The following HMGA2 variants were observed in gnomAD, a reference collection of about 807,000 sequenced individuals.
HMGA2 encodes high mobility group AT-hook 2.
In HMGA2, 8 loss-of-function variants were observed where a neutral mutation model predicts 19.1. That is an observed-to-expected ratio of 0.42 (90% CI 0.25 to 0.76). The LOEUF (loss-of-function observed/expected upper bound fraction) is 0.76, where lower values mean the gene tolerates loss of function less well. HMGA2 is among the 30% of genes least tolerant of loss of function. HMGA2 has a pLI of 0.28. For missense variants in HMGA2, 109 were observed against 136.3 expected (o/e 0.80, Z 1.00); for synonymous variants, 60 against 48.8 (o/e 1.23, Z -0.96).
intron 3 of HMGA2, among the ~76,000 whole-genome samples, chr12:65,948,239 C>T (rs953540210): frequency 7.2e-5 from 11 of 152,160 alleles, no homozygotes; most frequent in African/African-American, 2.4e-4. Flanking sequence ...AAATATTACT[C>T]ATTTATTAAG....
intron 4 of HMGA2, among the ~76,000 whole-genome samples, 190 bp from the exon 5 acceptor site, chr12:65,963,055 A>G (rs1420879982): frequency 6.6e-6 from 1 of 152,112 alleles, no homozygotes; most frequent in Non-Finnish European, 1.5e-5. Context: ...CCGCTCTGGG[A>G]AAAAACAACA....
chr12:65,911,818 T>C lies in HMGA2; in HGVS notation c.250-39565T>C, dbSNP rs570881676. On this transcript the variant is annotated intron_variant, in intron 3 of 4. Coordinates refer to ENST00000403681, the MANE Select transcript of HMGA2 (RefSeq NM_003483.6). Reference sequence around the variant, plus strand: ...GTGTAGAAATAAGAACTTACCATGGTAAATGATCAGTATTGTTGAATCTCC... The same window carrying C: ...GTGTAGAAATAAGAACTTACCATGGCAAATGATCAGTATTGTTGAATCTCC... Among the ~76,000 whole-genome samples, 3 of 152,272 alleles carry C rather than the reference T, an allele frequency of 2.0e-5. No individual in the cohort carries two copies. The South Asian group carries it at 6.2e-4, about 32-fold the overall frequency.
At chr12:65,929,403 G>GA (rs1875628325) in intron 3 of HMGA2, among the ~76,000 whole-genome samples, 1 of 150,384 alleles carries the variant, frequency 6.6e-6, no homozygotes, top group Non-Finnish European at 1.5e-5. Flanking sequence ...TTAAAAAATT[G>GA]AAAAAAAAGT....
At chr12:65,863,737 A>T (rs1438821700) in intron 3 of HMGA2, among the ~76,000 whole-genome samples, 1 of 152,212 alleles carries the variant, frequency 6.6e-6, no homozygotes, top group Non-Finnish European at 1.5e-5. Context: ...CTCACTGACT[A>T]GGGAATGTTG....
chr12:65,923,535 A>G (rs371847860), intron 3 of HMGA2, among the ~76,000 whole-genome samples: 35 of 152,322 alleles, frequency 2.3e-4, no homozygotes, highest in African/African-American at 8.2e-4. Flanking sequence ...GACCAGTCCA[A>G]CAAAATATAT....
At chr12:65,905,603 C>T (rs1874558282) in intron 3 of HMGA2, among the ~76,000 whole-genome samples, 1 of 152,228 alleles carries the variant, frequency 6.6e-6, no homozygotes, top group African/African-American at 2.4e-5. Flanking sequence ...AACTCCACTT[C>T]TTCTGAGAAT....
At chr12:65,876,658 C>T (rs1873050882) in intron 3 of HMGA2, among the ~76,000 whole-genome samples, 1 of 152,178 alleles carries the variant, frequency 6.6e-6, no homozygotes, top group African/African-American at 2.4e-5. Context: ...ATCATTTCAC[C>T]ACTTAAGCCC....
At chr12:65,853,083 C>CT (rs1871555635) in intron 3 of HMGA2, among the ~76,000 whole-genome samples, 1 of 152,088 alleles carries the variant, frequency 6.6e-6, no homozygotes, top group African/African-American at 2.4e-5. Flanking sequence ...GTGGTACAGT[C>CT]TGAGGGGGAA....
At chr12:65,866,090 G>A (rs1016077966) in intron 3 of HMGA2, among the ~76,000 whole-genome samples, 8 of 152,128 alleles carry the variant, frequency 5.3e-5, no homozygotes, top group African/African-American at 1.9e-4. Flanking sequence ...TTAGAGAGAA[G>A]ATTTACAAAC....
chr12:65,918,721 T>C (rs1186467621), intron 3 of HMGA2, among the ~76,000 whole-genome samples: 3 of 152,146 alleles, frequency 2.0e-5, no homozygotes, highest in Admixed American at 1.3e-4. Context: ...AGTCTGAAAA[T>C]AGTCTTATGG....
In HMGA2 at chr12:65,964,509, C is replaced by CT. The variant is rs1876851929; in HGVS notation, c.*1221dup. The CT allele has an allele frequency of 9.1e-6, 2 of 218,964 alleles. No homozygotes were observed. The highest frequency in any genetic ancestry group is 1.8e-5 in the Non-Finnish European group (2 of 108,780). 13.6% of individuals were successfully genotyped at this position (218,964 alleles called of 1,614,324 possible). Reference sequence around the variant, plus strand: ...TCACCATCTCTTCATTCAAACTGCACTTTTAGCCAGAGATGCAATATATCC... The same window carrying CT: ...TCACCATCTCTTCATTCAAACTGCACTTTTTAGCCAGAGATGCAATATATCC... On this transcript the variant is annotated 3_prime_UTR_variant, in exon 5 of 5. Coordinates refer to ENST00000403681, the MANE Select transcript of HMGA2 (RefSeq NM_003483.6).
intron 3 of HMGA2, chr12:65,857,952 A>G (rs1212883610): frequency 2.0e-5 from 3 of 152,806 alleles, no homozygotes; most frequent in Non-Finnish European, 4.4e-5. Context: ...GGCTTGCAAA[A>G]TGGCCTCAAA....
At chr12:65,864,501 C>G (rs1007714132) in intron 3 of HMGA2, among the ~76,000 whole-genome samples, 1 of 152,144 alleles carries the variant, frequency 6.6e-6, no homozygotes, top group African/African-American at 2.4e-5. Context: ...CCACTGTTGA[C>G]TATTTTGTAG....
chr12:65,865,266 A>G (rs1380346879), intron 3 of HMGA2, among the ~76,000 whole-genome samples: 4 of 152,184 alleles, frequency 2.6e-5, no homozygotes, highest in African/African-American at 9.7e-5. Context: ...TGTGGAGTCA[A>G]AAGTTTTGCG....
intron 2 of HMGA2, chr12:65,830,653 G>A (rs2120838253): frequency 6.6e-6 from 1 of 151,950 alleles, no homozygotes; most frequent in Admixed American, 6.6e-5. Context: ...TTTATATTTG[G>A]ATTCAGTAAT....
intron 3 of HMGA2, among the ~76,000 whole-genome samples, chr12:65,872,579 C>T (rs1230845994): frequency 2.6e-5 from 4 of 152,176 alleles, no homozygotes; most frequent in Admixed American, 2.6e-4. Context: ...TTGCAAAGTT[C>T]TGCCATTTAT....
At chr12:65,854,242 C>CA (rs1195989697) in intron 3 of HMGA2, among the ~76,000 whole-genome samples, 1 of 152,188 alleles carries the variant, frequency 6.6e-6, no homozygotes, top group Admixed American at 6.5e-5. Flanking sequence ...TAGAAAGGAA[C>CA]ATTTTGATAG....
chr12:65,959,574 G>A (rs748047332), intron 4 of HMGA2, among the ~76,000 whole-genome samples: 30 of 152,198 alleles, frequency 2.0e-4, no homozygotes, highest in Admixed American at 3.9e-4. Context: ...AGTGGCTGGT[G>A]CTCATAAAAA....
Position 65,881,852 on chromosome 12 carries a change from C to T in HMGA2, c.249+43283C>T, listed in dbSNP as rs1163245671. 9 of 702,878 alleles carry T rather than the reference C, an allele frequency of 1.3e-5. No individual in the cohort carries two copies. In the Admixed American group the frequency reaches 1.8e-4, roughly 14 times the overall value. The allele number at this position is 702,878 out of a possible 1,614,324, so 43.5% of individuals were successfully genotyped here. On this transcript the variant is annotated intron_variant, in intron 3 of 4. Coordinates refer to ENST00000403681, the MANE Select transcript of HMGA2 (RefSeq NM_003483.6). ...CACATTCCCTTCCTTGAACTGCACT[C>T]TTTTCCCTTGCACTCAGAGGTGGCC... is the stretch of plus-strand genomic sequence containing the variant.
Sources: allele counts gnomAD v4.1 joint callset (sites outside exome capture counted in the v4.1 genomes callset), GRCh38; gene constraint gnomAD v4.1.1; transcripts MANE v1.5; gene names NCBI Gene and HGNC (gene_info 2026-07-23, HGNC 2026-07-21).